The following ASIC2 variants were observed in gnomAD, a reference collection of about 807,000 sequenced individuals.
The protein encoded by ASIC2 is acid sensing ion channel subunit 2, also known as acid-sensing ion channel 2.
ASIC2 carries 25 observed loss-of-function variants against 57.3 expected under a neutral mutation model. The observed-to-expected ratio is 0.44, with a 90% CI of 0.32 to 0.61. The LOEUF is 0.61. Ranked by LOEUF, ASIC2 falls within the 20% of genes least tolerant of loss-of-function variation. The pLI is 0.06. For synonymous variants in ASIC2, 319 were observed against 307.5 expected (o/e 1.04, Z -0.39); for missense variants, 641 against 738.1 (o/e 0.87, Z 1.52).
chr17:34,030,898 G>A (rs1907583301), intron 1 of ASIC2, among the ~76,000 whole-genome samples: 1 of 152,244 alleles, frequency 6.6e-6, no homozygotes, highest in African/African-American at 2.4e-5. Context: ...CACAGCTCAA[G>A]GAGGCCTGCC....
intron 1 of ASIC2, among the ~76,000 whole-genome samples, chr17:33,148,910 G>A (rs745460515): frequency 9.2e-5 from 14 of 151,964 alleles, no homozygotes; most frequent in African/African-American, 1.7e-4. Flanking sequence ...CCTGGCCAAC[G>A]TGGTGAAACC....
chr17:33,104,540 C>A (rs146883530), intron 2 of ASIC2, among the ~76,000 whole-genome samples: 1 of 152,226 alleles, frequency 6.6e-6, no homozygotes, highest in Non-Finnish European at 1.5e-5. Context: ...CGGGGGTTTC[C>A]ATCTCCAGTG....
At chr17:33,192,359 G>A (rs1335095202) in intron 1 of ASIC2, among the ~76,000 whole-genome samples, 1 of 151,652 alleles carries the variant, frequency 6.6e-6, no homozygotes, top group Non-Finnish European at 1.5e-5. Flanking sequence ...CTCCAGCCTG[G>A]GCAAGAAGAG....
rs866461624 is a variant in ASIC2, at chr17:33,132,937, T to C, written c.709-20870A>G. 2.0e-5 allele frequency among the ~76,000 whole-genome samples: 3 copies of C among 152,246 alleles called. No homozygotes were observed. The South Asian group carries it at 6.2e-4, about 31-fold the overall frequency. Reference sequence around the variant, plus strand: ...TTTTACTTGCTCATGTCCTACCTTGTTTCTCAAAGTTTTTGAGGTCGTTTA... The same window carrying C: ...TTTTACTTGCTCATGTCCTACCTTGCTTCTCAAAGTTTTTGAGGTCGTTTA... On this transcript the variant is annotated intron_variant, in intron 1 of 9. Transcript: ENST00000225823.
chr17:33,476,905 T>C (rs1439633320), intron 1 of ASIC2, among the ~76,000 whole-genome samples: 1 of 152,146 alleles, frequency 6.6e-6, no homozygotes, highest in Non-Finnish European at 1.5e-5. Flanking sequence ...TATAGGACTT[T>C]TCAGCCTCAG....
intron 1 of ASIC2, among the ~76,000 whole-genome samples, chr17:34,034,345 A>G (rs1336129882): frequency 6.6e-6 from 1 of 152,258 alleles, no homozygotes. Context: ...TAAATTAGGT[A>G]TTGATAGGAC....
chr17:33,422,141 G>T (rs796548167), intron 1 of ASIC2, among the ~76,000 whole-genome samples: 1 of 152,218 alleles, frequency 6.6e-6, no homozygotes, highest in African/African-American at 2.4e-5. Context: ...TTCCTGAGCA[G>T]CTGCTTCTGT....
chr17:33,292,767 C>T lies in ASIC2; in HGVS notation c.-652G>A. On this transcript the variant is annotated 5_prime_UTR_variant, in exon 1 of 10. Transcript: ENST00000225823. ...CCTTGCCGGCTGCCGCCTTCTTTCC[C>T]TTCCCCTCCAGGACCCTTCCTTGTT... The T allele has an allele frequency of 6.5e-5, 64 of 986,066 alleles. No homozygotes were observed. The highest frequency in any genetic ancestry group is 7.7e-5 in the Non-Finnish European group (64 of 830,470). The allele number at this position is 986,066 out of a possible 1,614,324, so 61.1% of individuals were successfully genotyped here.
At chr17:33,215,647 T>A (rs1192541981) in intron 1 of ASIC2, among the ~76,000 whole-genome samples, 1 of 151,808 alleles carries the variant, frequency 6.6e-6, no homozygotes, top group Non-Finnish European at 1.5e-5. Flanking sequence ...GTTTTGTTTC[T>A]GGAATTAGGA....
At chr17:34,050,171 A>G (rs1032439938) in intron 1 of ASIC2, among the ~76,000 whole-genome samples, 1 of 152,244 alleles carries the variant, frequency 6.6e-6, no homozygotes, top group Non-Finnish European at 1.5e-5. Context: ...AAGAAAACAG[A>G]GAAAATATAA....
At chr17:34,098,341 A>T (rs1208108779) in intron 1 of ASIC2, among the ~76,000 whole-genome samples, 3 of 152,190 alleles carry the variant, frequency 2.0e-5, no homozygotes, top group Non-Finnish European at 2.9e-5. Context: ...TGAACACACC[A>T]CAGTTCAGAC....
chr17:33,091,621 C>T (rs758757110), intron 2 of ASIC2, among the ~76,000 whole-genome samples: 28 of 152,300 alleles, frequency 1.8e-4, no homozygotes, highest in Non-Finnish European at 2.5e-4. Flanking sequence ...TAGTGAGAAC[C>T]GCCCAAGGCT....
chr17:33,613,399 C>G (rs906807198), intron 1 of ASIC2, among the ~76,000 whole-genome samples: 2 of 134,250 alleles, frequency 1.5e-5, no homozygotes, highest in African/African-American at 5.6e-5. Context: ...CCTTCCTGCT[C>G]TGTAGCCCAG....
chr17:33,650,884 G>C (rs576052266), intron 1 of ASIC2, among the ~76,000 whole-genome samples: 1 of 152,200 alleles, frequency 6.6e-6, no homozygotes, highest in Admixed American at 6.5e-5. Context: ...AAGGATCCTT[G>C]TGGTGATAGA....
At chr17:33,541,304 G>A (rs1235557140) in intron 1 of ASIC2, 1 of 152,154 alleles carries the variant, frequency 6.6e-6, no homozygotes, top group Admixed American at 6.5e-5. Flanking sequence ...GAGAAAAGCA[G>A]GATTTTGTAG....
At chr17:34,047,686 A>G (rs576997679) in intron 1 of ASIC2, among the ~76,000 whole-genome samples, 2 of 152,112 alleles carry the variant, frequency 1.3e-5, no homozygotes, top group East Asian at 1.9e-4. Context: ...GCTGTGACCA[A>G]TGGAATGCTG....
chr17:33,289,894 T>C (rs2142179741), intron 1 of ASIC2, among the ~76,000 whole-genome samples: 1 of 152,270 alleles, frequency 6.6e-6, no homozygotes. Flanking sequence ...AGGCTGCTAA[T>C]TAGTGATCAG....
chr17:33,535,417 C>T (rs1054186943), intron 1 of ASIC2, among the ~76,000 whole-genome samples: 44 of 151,980 alleles, frequency 2.9e-4, no homozygotes, highest in African/African-American at 6.8e-4. Flanking sequence ...GGACTACAGG[C>T]GCCTGCCACC....
chr17:33,504,671 C>T (rs1451019582), intron 1 of ASIC2, among the ~76,000 whole-genome samples: 1 of 152,146 alleles, frequency 6.6e-6, no homozygotes, highest in Non-Finnish European at 1.5e-5. Flanking sequence ...TTTTAATGTA[C>T]TTGTTGCCGC....
Sources: gnomAD v4.1 joint callset for allele counts (sites outside exome capture counted in the v4.1 genomes callset) on GRCh38, gnomAD v4.1.1 for gene constraint, MANE v1.5 for transcripts, NCBI Gene and HGNC (gene_info 2026-07-23, HGNC 2026-07-21) for gene names.